PVT1: variants seen among roughly 807,000 people sequenced by gnomAD.
The protein encoded by PVT1 is Pvt1 oncogene.
chr8:127,799,033 A>G (rs920675543), intron 2 of PVT1, among the ~76,000 whole-genome samples: 2 of 152,158 alleles, frequency 1.3e-5, no homozygotes, highest in Non-Finnish European at 2.9e-5. Context: ...CATATACATG[A>G]TGTGGAAATG....
At chr8:128,005,254 T>C (rs1202702304) in intron 4 of PVT1, among the ~76,000 whole-genome samples, 1 of 151,412 alleles carries the variant, frequency 6.6e-6, no homozygotes, top group East Asian at 1.9e-4. Flanking sequence ...GATTTTTTTG[T>C]TATTTGTTTT....
chr8:127,879,253 G>A (rs1456411003), intron 2 of PVT1, among the ~76,000 whole-genome samples: 2 of 152,248 alleles, frequency 1.3e-5, no homozygotes, highest in Non-Finnish European at 2.9e-5. Flanking sequence ...CCAGGGCTGG[G>A]CGTGGTGGCT....
intron 2 of PVT1, among the ~76,000 whole-genome samples, chr8:127,849,972 A>C (rs564409946): frequency 6.7e-6 from 1 of 148,158 alleles, no homozygotes; most frequent in East Asian, 2.0e-4. Flanking sequence ...TCCTGCGTGC[A>C]CGTGCGTGGG....
chr8:127,831,582 A>G (rs903362548), intron 2 of PVT1, among the ~76,000 whole-genome samples: 6 of 152,180 alleles, frequency 3.9e-5, no homozygotes, highest in African/African-American at 1.4e-4. Context: ...AGAAAAGTGG[A>G]CATAGGACTA....
chr8:127,930,679 C>A (rs142754102), intron 3 of PVT1, among the ~76,000 whole-genome samples: 4 of 152,028 alleles, frequency 2.6e-5, no homozygotes, highest in Non-Finnish European at 4.4e-5. Context: ...GTTCCTGGGG[C>A]GTCAAAGGTT....
At chr8:128,015,666 G>A (rs924509410) in intron 4 of PVT1, among the ~76,000 whole-genome samples, 1 of 151,488 alleles carries the variant, frequency 6.6e-6, no homozygotes, top group African/African-American at 2.4e-5. Context: ...TCAGCTATTC[G>A]GGAGGCTGAG....
intron 2 of PVT1, among the ~76,000 whole-genome samples, chr8:127,853,974 G>A (rs1281648828): frequency 2.6e-5 from 4 of 152,008 alleles, no homozygotes; most frequent in Admixed American, 6.6e-5. Flanking sequence ...TCTGTACGGC[G>A]TTTTCTCTTC....
intron 2 of PVT1, among the ~76,000 whole-genome samples, chr8:127,856,652 T>C (rs1815164012): frequency 6.6e-6 from 1 of 152,202 alleles, no homozygotes; most frequent in African/African-American, 2.4e-5. Context: ...CAGCCAGCTA[T>C]ATTAACTCAA....
intron 2 of PVT1, among the ~76,000 whole-genome samples, chr8:127,799,132 TG>T (rs375662091): frequency 2.7e-5 from 4 of 150,352 alleles, no homozygotes; most frequent in East Asian, 2.0e-4. Flanking sequence ...TGGAGTTAGG[TG>T]GGGGGGGAGG....
chr8:127,874,935 TGG>T (rs571143615), intron 2 of PVT1, among the ~76,000 whole-genome samples: 3 of 149,926 alleles, frequency 2.0e-5, no homozygotes, highest in African/African-American at 5.0e-5. Context: ...TGTGTGTGTG[TGG>T]GTGTGTGGCC....
intron 2 of PVT1, among the ~76,000 whole-genome samples, chr8:127,884,150 A>G (rs1437455438): frequency 6.6e-6 from 1 of 152,228 alleles, no homozygotes; most frequent in African/African-American, 2.4e-5. Flanking sequence ...GCCCCCTCCC[A>G]GTCAGTCACT....
At chr8:127,992,080 A>C (rs67894890) in intron 4 of PVT1, among the ~76,000 whole-genome samples, 22,705 of 151,646 alleles carry the variant, frequency 0.15, 1,871 homozygotes, top group Non-Finnish European at 0.18. Context: ...AAAACAAAAA[A>C]AAAAAAAAAG....
At chr8:127,939,350 A>G (rs914231407) in intron 3 of PVT1, among the ~76,000 whole-genome samples, 1 of 152,164 alleles carries the variant, frequency 6.6e-6, no homozygotes, top group African/African-American at 2.4e-5. Flanking sequence ...TGGACAGGGT[A>G]TGGTCCGGCA....
At chr8:128,075,784 T>G (rs1458867676) in intron 5 of PVT1, among the ~76,000 whole-genome samples, 2 of 152,232 alleles carry the variant, frequency 1.3e-5, no homozygotes, top group Non-Finnish European at 2.9e-5. Flanking sequence ...TGCTACATTG[T>G]TCTATTGTTT....
chr8:127,925,340 A>G (rs992855415), intron 3 of PVT1, among the ~76,000 whole-genome samples: 8 of 152,248 alleles, frequency 5.3e-5, no homozygotes, highest in African/African-American at 1.2e-4. Flanking sequence ...TCAAAAAAAT[A>G]TAGTTGAAAA....
At chr8:127,937,490 C>T (rs894723752) in intron 3 of PVT1, among the ~76,000 whole-genome samples, 2 of 151,198 alleles carry the variant, frequency 1.3e-5, no homozygotes, top group Non-Finnish European at 2.9e-5. Flanking sequence ...TTAAGTGATC[C>T]ACCCTCCTTG....
chr8:127,984,867 T>TTCTTTC (rs969948028), intron 3 of PVT1, among the ~76,000 whole-genome samples: 22 of 73,064 alleles, frequency 3.0e-4, no homozygotes, highest in African/African-American at 5.6e-4. Context: ...CTTTCTTTCT[T>TTCTTTC]TCTTTCTTTC....
chr8:128,004,694 G>A (rs776695793), intron 4 of PVT1, among the ~76,000 whole-genome samples: 3 of 152,168 alleles, frequency 2.0e-5, no homozygotes, highest in East Asian at 1.9e-4. Flanking sequence ...GTAGCCTTTC[G>A]AATACCAATT....
At chr8:127,824,138 A>G (rs1241683977) in intron 2 of PVT1, among the ~76,000 whole-genome samples, 1 of 152,196 alleles carries the variant, frequency 6.6e-6, no homozygotes, top group Non-Finnish European at 1.5e-5. Context: ...CTGTAATTGC[A>G]CCACTGCATT....
Sources: allele counts gnomAD v4.1 joint callset (sites outside exome capture counted in the v4.1 genomes callset), GRCh38; gene constraint gnomAD v4.1.1; transcripts MANE v1.5; gene names NCBI Gene and HGNC (gene_info 2026-07-23, HGNC 2026-07-21).